PRCP: variants seen among roughly 807,000 people sequenced by gnomAD.
PRCP encodes the protein prolylcarboxypeptidase.
In PRCP, 46 loss-of-function variants were observed where a neutral mutation model predicts 54.2. That is an observed-to-expected ratio of 0.85 (90% CI 0.67 to 1.09). The LOEUF (loss-of-function observed/expected upper bound fraction) is 1.09, where lower values mean the gene tolerates loss of function less well. Among genes scored for constraint, PRCP ranks in the 50% least tolerant of loss-of-function variants. PRCP has a pLI of 0.00. For synonymous variants in PRCP, 240 were observed against 212.2 expected (o/e 1.13, Z -1.14); for missense variants, 613 against 596.8 (o/e 1.03, Z -0.28).
At chr11:82,857,668 C>T (rs1859123401) in intron 2 of PRCP, among the ~76,000 whole-genome samples, 1 of 152,192 alleles carries the variant, frequency 6.6e-6, no homozygotes, top group South Asian at 2.1e-4. Context: ...TGAGTTCCTG[C>T]TCCCTAACAA....
chr11:82,895,078 C>G (rs1219041434), intron 1 of PRCP, among the ~76,000 whole-genome samples: 1 of 151,904 alleles, frequency 6.6e-6, no homozygotes, highest in Non-Finnish European at 1.5e-5. Flanking sequence ...AAGCCATGTA[C>G]ATTAGGAAAC....
chr11:82,834,570 T>A (rs1443587904), intron 8 of PRCP, among the ~76,000 whole-genome samples: 2 of 152,166 alleles, frequency 1.3e-5, no homozygotes, highest in African/African-American at 4.8e-5. Context: ...TATGCAGCCA[T>A]AAAAAGGAAT....
intron 6 of PRCP, among the ~76,000 whole-genome samples, chr11:82,845,044 A>G (rs1478472215): frequency 7.7e-6 from 1 of 130,418 alleles, no homozygotes; most frequent in African/African-American, 3.3e-5. Flanking sequence ...TAAAAAAAAA[A>G]AAAACAACTG....
At chr11:82,885,252 T>C (rs766141262) in intron 1 of PRCP, among the ~76,000 whole-genome samples, 1 of 152,236 alleles carries the variant, frequency 6.6e-6, no homozygotes, top group Non-Finnish European at 1.5e-5. Context: ...ATATTTAATA[T>C]ACATTCCTCA....
chr11:82,850,550 C>T, intron 3 of PRCP, 45 bp from the exon 4 acceptor site: 8 of 1,375,762 alleles, frequency 5.8e-6, no homozygotes, highest in Non-Finnish European at 7.7e-6. Flanking sequence ...GTGCACATAA[C>T]AGCAGCTTAG....
chr11:82,840,637 G>T (rs1019358027), intron 6 of PRCP: 1 of 152,050 alleles, frequency 6.6e-6, no homozygotes, highest in African/African-American at 2.4e-5. Context: ...ATAATAAAAT[G>T]TTGGAGAAAA....
Position 82,824,919 on chromosome 11 carries a change from C to T in PRCP, c.1478G>A (p.Gly493Glu). 6.2e-7 allele frequency: 1 copy of T among 1,613,774 alleles called. No individual in the cohort carries two copies. The highest frequency in any genetic ancestry group is 1.3e-5 in the African/African-American group (1 of 75,034). The change falls in exon 9 of 9, where the codon GGA becomes GAA. Residue 493 changes from glycine to glutamate, a missense_variant. Coordinates refer to ENST00000313010, the MANE Select transcript of PRCP (RefSeq NM_005040.4). ...ATCAAAAGTTTCTCAGTGCTGCTTT[C>T]CCGCACTGTCATAGAAATCTCTGAT... ...NWIRDFYDSA[G>E]KQH
chr11:82,884,713 G>A, intron 1 of PRCP: 2 of 1,470,486 alleles, frequency 1.4e-6, no homozygotes, highest in Non-Finnish European at 9.3e-7. Flanking sequence ...AAGAGAATTT[G>A]CAGACAGACC....
chr11:82,877,598 C>A (rs573964079), intron 1 of PRCP, among the ~76,000 whole-genome samples: 1 of 152,318 alleles, frequency 6.6e-6, no homozygotes, highest in African/African-American at 2.4e-5. Flanking sequence ...GGTGGGAGCC[C>A]TAAGCCTTAG....
intron 8 of PRCP, chr11:82,835,644 A>C (rs934334253): frequency 3.2e-6 from 1 of 309,328 alleles, no homozygotes; most frequent in Non-Finnish European, 6.3e-6. Flanking sequence ...CCAGCTGAGG[A>C]CAACGATGTA....
intron 2 of PRCP, among the ~76,000 whole-genome samples, chr11:82,855,720 G>A (rs1032284907): frequency 1.3e-5 from 2 of 152,082 alleles, no homozygotes; most frequent in African/African-American, 4.8e-5. Flanking sequence ...TTCAAAAGAA[G>A]ACATACACAA....
chr11:82,883,042 A>C (rs1859788784), intron 1 of PRCP, among the ~76,000 whole-genome samples: 1 of 152,234 alleles, frequency 6.6e-6, no homozygotes, highest in South Asian at 2.1e-4. Flanking sequence ...TAATGGTAGA[A>C]GAATAACTTC....
At chr11:82,863,690 T>A (rs1342700779) in intron 1 of PRCP, among the ~76,000 whole-genome samples, 1 of 152,270 alleles carries the variant, frequency 6.6e-6, no homozygotes, top group Non-Finnish European at 1.5e-5. Context: ...TATGTGTTTG[T>A]ATATGTCATG....
chr11:82,826,598 C>G (rs1270703251), intron 8 of PRCP: 2 of 152,226 alleles, frequency 1.3e-5, no homozygotes, highest in Non-Finnish European at 2.9e-5. Context: ...TCCACTTTCT[C>G]TACATCTTCA....
At chr11:82,878,940 A>G (rs1859672053) in intron 1 of PRCP, among the ~76,000 whole-genome samples, 1 of 152,154 alleles carries the variant, frequency 6.6e-6, no homozygotes, top group Non-Finnish European at 1.5e-5. Flanking sequence ...GGGTTACCCA[A>G]CCTTTCTCTC....
Position 82,852,421 on chromosome 11 carries a change from G to A in PRCP, c.411+756C>T, listed in dbSNP as rs78024462. Among the ~76,000 whole-genome samples the A allele has an allele frequency of 9.3e-3, 1,423 of 152,248 alleles. 20 individuals carry two copies. The highest frequency in any genetic ancestry group is 0.033 in the African/African-American group (1,357 of 41,534). ...GCATATGTATACACTGATGGTATTA[G>A]GAAGCACACAAACATTTTTAATGGA... On this transcript the variant is annotated intron_variant, in intron 3 of 8. Transcript: ENST00000313010.
At chr11:82,855,645 GTAAA>G (rs1478668523) in intron 2 of PRCP, among the ~76,000 whole-genome samples, 1 of 151,728 alleles carries the variant, frequency 6.6e-6, no homozygotes, top group Non-Finnish European at 1.5e-5. Flanking sequence ...AAATAAATAA[GTAAA>G]TAAATTTACA....
rs75072824 is a variant in PRCP, at chr11:82,831,102, G to C, written c.1275-5980C>G. On this transcript the variant is annotated intron_variant, in intron 8 of 8. Transcript: ENST00000313010. ...CTTTCATGAGAGGATCTAGATGCCT[G>C]GGTAAAATTCCCCCAACAGGGAGCT... 6.0e-5 allele frequency: 9 copies of C among 151,082 alleles called. No homozygotes were observed. In the East Asian group the frequency reaches 1.6e-3, roughly 26 times the overall value. 9.4% of individuals were successfully genotyped at this position (151,082 alleles called of 1,614,324 possible).
chr11:82,874,194 A>C lies in PRCP; in HGVS notation c.169-14077T>G, dbSNP rs910692256. On this transcript the variant is annotated intron_variant, in intron 1 of 8. Coordinates refer to ENST00000313010, the MANE Select transcript of PRCP (RefSeq NM_005040.4). ...ACTTTCAGGTGGTTTTGCCACCACG[A>C]CACCAGATAATCAACAACTTCCCAG... 2.0e-5 allele frequency among the ~76,000 whole-genome samples: 3 copies of C among 152,306 alleles called. No individual in the cohort carries two copies. The East Asian group carries it at 5.8e-4, about 29-fold the overall frequency.
Sources: gnomAD v4.1 joint callset for allele counts (sites outside exome capture counted in the v4.1 genomes callset) on GRCh38, gnomAD v4.1.1 for gene constraint, MANE v1.5 for transcripts, NCBI Gene and HGNC (gene_info 2026-07-23, HGNC 2026-07-21) for gene names.